Variants in NAALADL2 observed in about 807,000 individuals in gnomAD.
NAALADL2 encodes N-acetylated alpha-linked acidic dipeptidase like 2.
Under a neutral mutation model 87.2 loss-of-function variants are expected in NAALADL2, and 76 were observed. The ratio of observed to expected loss-of-function variants is 0.87; its 90% confidence interval spans 0.72 to 1.05. The LOEUF (loss-of-function observed/expected upper bound fraction) is 1.05, where lower values mean the gene tolerates loss of function less well. Ranked by LOEUF, NAALADL2 falls within the 50% of genes least tolerant of loss-of-function variation. NAALADL2 has a pLI of 0.00. For synonymous variants in NAALADL2, 354 were observed against 331.0 expected (o/e 1.07, Z -0.75); for missense variants, 1,089 against 945.8 (o/e 1.15, Z -1.99).
At chr3:175,347,774 T>C (rs1459221376) in intron 5 of NAALADL2, among the ~76,000 whole-genome samples, 4 of 152,166 alleles carry the variant, frequency 2.6e-5, no homozygotes, top group African/African-American at 9.6e-5. Context: ...CTGGGGTACA[T>C]GTGCAGACCT....
intron 2 of NAALADL2, among the ~76,000 whole-genome samples, chr3:174,609,707 A>G (rs529005043): frequency 7.9e-5 from 12 of 152,338 alleles, no homozygotes; most frequent in Admixed American, 6.5e-4. Flanking sequence ...CATGGGTAGG[A>G]AGAATCAATA....
intron 1 of NAALADL2, among the ~76,000 whole-genome samples, chr3:174,534,615 A>G (rs557835777): frequency 1.3e-5 from 2 of 152,206 alleles, no homozygotes; most frequent in South Asian, 4.1e-4. Flanking sequence ...TGGAAAACTT[A>G]GAAGCCCCAA....
intron 9 of NAALADL2, among the ~76,000 whole-genome samples, chr3:175,560,717 G>A (rs1362708254): frequency 6.6e-6 from 1 of 152,150 alleles, no homozygotes; most frequent in African/African-American, 2.4e-5. Context: ...CGCCTCCCGG[G>A]TTCAAGTGAT....
chr3:175,139,328 TG>T (rs1182274723), intron 2 of NAALADL2, among the ~76,000 whole-genome samples: 1 of 152,052 alleles, frequency 6.6e-6, no homozygotes, highest in East Asian at 1.9e-4. Flanking sequence ...AGTGATTCAT[TG>T]AAAAAAAGAA....
At chr3:174,715,612 G>A (rs992679536) in intron 2 of NAALADL2, among the ~76,000 whole-genome samples, 22 of 152,134 alleles carry the variant, frequency 1.4e-4, no homozygotes, top group Non-Finnish European at 2.8e-4. Flanking sequence ...CCAATAATCA[G>A]CAAAAGCCCA....
intron 11 of NAALADL2, among the ~76,000 whole-genome samples, chr3:175,677,318 G>A (rs1431186274): frequency 2.0e-5 from 3 of 151,992 alleles, no homozygotes; most frequent in East Asian, 1.9e-4. Flanking sequence ...AGCCAAGATC[G>A]TGCCCTTGCA....
At chr3:174,855,693 G>A (rs146071054), upstream of NAALADL2, among the ~76,000 whole-genome samples, 89 of 151,360 alleles carry the variant, frequency 5.9e-4, no homozygotes, top group Non-Finnish European at 1.2e-3. Context: ...GGCTCAATGT[G>A]TGCTAGGAAC....
At chr3:174,502,889 C>T (rs899902175) in intron 1 of NAALADL2, among the ~76,000 whole-genome samples, 5 of 151,762 alleles carry the variant, frequency 3.3e-5, no homozygotes, top group Non-Finnish European at 4.4e-5. Flanking sequence ...ATTATCCAGG[C>T]GTGGTGGTGC....
At chr3:175,317,328 C>A (rs967299470) in intron 4 of NAALADL2, among the ~76,000 whole-genome samples, 5 of 145,410 alleles carry the variant, frequency 3.4e-5, no homozygotes, top group African/African-American at 1.3e-4. Flanking sequence ...TTTGACTATC[C>A]CACCAAAGCA....
At chr3:174,806,974 T>C (rs1046845659) in intron 3 of NAALADL2, among the ~76,000 whole-genome samples, 2 of 152,078 alleles carry the variant, frequency 1.3e-5, no homozygotes, top group Non-Finnish European at 2.9e-5. Flanking sequence ...CAGCAAAAAG[T>C]GATTAGGTGT....
At chr3:175,275,505 C>T (rs765675838) in intron 4 of NAALADL2, among the ~76,000 whole-genome samples, 139 of 152,120 alleles carry the variant, frequency 9.1e-4, no homozygotes, top group Non-Finnish European at 1.5e-3. Flanking sequence ...TATGGGGCAA[C>T]ATTCACAACA....
intron 1 of NAALADL2, among the ~76,000 whole-genome samples, chr3:174,859,945 G>A (rs752759264): frequency 1.7e-4 from 26 of 152,198 alleles, no homozygotes; most frequent in South Asian, 4.1e-4. Flanking sequence ...ACATGGGCGA[G>A]CCTATCAGTT....
At chr3:175,252,695 G>A (rs2109788101) in intron 3 of NAALADL2, among the ~76,000 whole-genome samples, 1 of 152,268 alleles carries the variant, frequency 6.6e-6, no homozygotes, top group African/African-American at 2.4e-5. Context: ...GTGTCAAACA[G>A]CCAAGTTGTG....
chr3:174,806,771 C>G (rs1719557253), intron 3 of NAALADL2, among the ~76,000 whole-genome samples: 1 of 152,132 alleles, frequency 6.6e-6, no homozygotes, highest in South Asian at 2.1e-4. Flanking sequence ...TAGTGTTTTT[C>G]AAGCTATGTA....
intron 1 of NAALADL2, among the ~76,000 whole-genome samples, chr3:174,455,075 A>C (rs1246751391): frequency 6.6e-6 from 1 of 152,164 alleles, no homozygotes; most frequent in East Asian, 1.9e-4. Flanking sequence ...AGAAATACAA[A>C]TAACCACCAG....
intron 11 of NAALADL2, chr3:175,718,545 C>G (rs14890): frequency 3.1e-6 from 5 of 1,592,092 alleles, no homozygotes; most frequent in Middle Eastern, 3.4e-4. Context: ...AGTGTCATGT[C>G]TTCGTCATCT....
At chr3:175,624,274 A>G (rs1207194738) in intron 10 of NAALADL2, among the ~76,000 whole-genome samples, 1 of 152,032 alleles carries the variant, frequency 6.6e-6, no homozygotes, top group Non-Finnish European at 1.5e-5. Flanking sequence ...TAATACAACC[A>G]AACTTTCCAG....
chr3:175,020,009 C>T (rs1751366932), intron 1 of NAALADL2, among the ~76,000 whole-genome samples: 2 of 152,104 alleles, frequency 1.3e-5, no homozygotes, highest in South Asian at 4.1e-4. Flanking sequence ...GACTGAATCC[C>T]AGAACCCATC....
intron 2 of NAALADL2, among the ~76,000 whole-genome samples, chr3:175,109,750 C>T (rs1042552256): frequency 6.6e-6 from 1 of 151,786 alleles, no homozygotes; most frequent in Non-Finnish European, 1.5e-5. Context: ...TGCCCCACCT[C>T]TTAACTTTGC....
Sources: allele counts gnomAD v4.1 joint callset (sites outside exome capture counted in the v4.1 genomes callset), GRCh38; gene constraint gnomAD v4.1.1; transcripts MANE v1.5; gene names NCBI Gene and HGNC (gene_info 2026-07-23, HGNC 2026-07-21).